The following CUBN variants were observed in gnomAD, a reference collection of about 807,000 sequenced individuals.
CUBN encodes 460 kDa receptor.
CUBN carries 282 observed loss-of-function variants against 405.3 expected under a neutral mutation model. That is an observed-to-expected ratio of 0.70 (90% CI 0.63 to 0.77). The LOEUF is 0.77. CUBN is among the 30% of genes least tolerant of loss of function. CUBN has a pLI of 0.00. For synonymous variants in CUBN, 1,684 were observed against 1,617.0 expected (o/e 1.04, Z -0.99); for missense variants, 4,514 against 4,475.2 (o/e 1.01, Z -0.25).
intron 6 of CUBN, among the ~76,000 whole-genome samples, 175 bp from the exon 7 acceptor site, chr10:17,115,772 C>CT (rs1478290034): frequency 6.6e-6 from 1 of 152,210 alleles, no homozygotes; most frequent in Non-Finnish European, 1.5e-5. Context: ...CTCTGCTGTG[C>CT]TCCAAGTGGT....
At chr10:16,849,198 C>T (rs1839605004) in intron 60 of CUBN, among the ~76,000 whole-genome samples, 1 of 152,086 alleles carries the variant, frequency 6.6e-6, no homozygotes, top group Non-Finnish European at 1.5e-5. Flanking sequence ...TATTGACCAC[C>T]CATGCTTTGT....
intron 10 of CUBN, 57 bp from the exon 11 acceptor site, chr10:17,105,632 A>G (rs1836611645): frequency 1.1e-6 from 1 of 950,354 alleles, no homozygotes; most frequent in East Asian, 2.5e-5. Flanking sequence ...GTTCGGATGC[A>G]GTATCTAAAC....
At chr10:16,856,326 C>T (rs1224635769) in intron 59 of CUBN, among the ~76,000 whole-genome samples, 1 of 152,078 alleles carries the variant, frequency 6.6e-6, no homozygotes, top group East Asian at 1.9e-4. Flanking sequence ...CAAGAACAAA[C>T]GTCACTCTTT....
intron 58 of CUBN, among the ~76,000 whole-genome samples, chr10:16,870,141 T>A (rs1840308229): frequency 6.6e-6 from 1 of 152,180 alleles, no homozygotes; most frequent in East Asian, 1.9e-4. Context: ...CTAGGGCATA[T>A]TAAAGTCCAT....
At chr10:16,917,241 G>C (rs1209634566) in intron 45 of CUBN, among the ~76,000 whole-genome samples, 1 of 151,962 alleles carries the variant, frequency 6.6e-6, no homozygotes, top group Non-Finnish European at 1.5e-5. Context: ...TTCTTAAATG[G>C]TTTTATTACT....
chr10:16,910,945 C>T (rs1423685884), intron 48 of CUBN, among the ~76,000 whole-genome samples: 2 of 151,992 alleles, frequency 1.3e-5, no homozygotes, highest in Admixed American at 6.6e-5. Context: ...AAGAAAGGGA[C>T]GTGCATAGCA....
chr10:17,077,308 A>G (rs928329437), intron 17 of CUBN, among the ~76,000 whole-genome samples: 3 of 152,162 alleles, frequency 2.0e-5, no homozygotes, highest in African/African-American at 7.2e-5. Flanking sequence ...TACTCATAAA[A>G]AAAAACGAGT....
chr10:17,125,912 A>G (rs1837172138), intron 4 of CUBN, among the ~76,000 whole-genome samples: 1 of 152,180 alleles, frequency 6.6e-6, no homozygotes, highest in Admixed American at 6.5e-5. Context: ...AAGTGGAGAA[A>G]AGGAATACAC....
At chr10:16,969,582 A>T (rs148173898) in intron 31 of CUBN, among the ~76,000 whole-genome samples, 2,599 of 152,242 alleles carry the variant, frequency 0.017, 86 homozygotes, top group African/African-American at 0.06. Context: ...CTCAATCTCT[A>T]GACCTCATGA....
In CUBN at chr10:16,869,703, G is replaced by C; in HGVS notation, c.9387C>G (p.Leu3129=). ...PNVKSSNNSM[L]LVFKTDSFQT... ...GAAATGAATCTGTCTTGAACACCAGGAGCATACTATTATTGCTGCTCTTCA... is the reference window on the plus strand; with the variant it reads ...GAAATGAATCTGTCTTGAACACCAGCAGCATACTATTATTGCTGCTCTTCA... The change falls in exon 59 of 67, where the codon CTC becomes CTG. Residue 3129 remains leucine, a synonymous_variant. Coordinates refer to ENST00000377833, the MANE Select transcript of CUBN (RefSeq NM_001081.4). 6.2e-7 allele frequency: 1 copy of C among 1,614,052 alleles called. No homozygotes were observed. The highest frequency in any genetic ancestry group is 2.2e-5 in the East Asian group (1 of 44,874).
chr10:16,945,728 T>A (rs904639840), intron 36 of CUBN, among the ~76,000 whole-genome samples: 1 of 144,326 alleles, frequency 6.9e-6, no homozygotes, highest in African/African-American at 2.7e-5. Flanking sequence ...GGTCACTCCA[T>A]TGCACTCCAG....
intron 28 of CUBN, among the ~76,000 whole-genome samples, chr10:16,995,959 C>A (rs1376747237): frequency 6.6e-6 from 1 of 152,150 alleles, no homozygotes; most frequent in Non-Finnish European, 1.5e-5. Context: ...GTGGAACATG[C>A]TCATATCACT....
intron 48 of CUBN, 65 bp from the exon 49 acceptor site, chr10:16,907,744 G>T (rs1445186213): frequency 1.3e-6 from 2 of 1,551,168 alleles, no homozygotes; most frequent in African/African-American, 1.4e-5. Context: ...CCTAGGAGGT[G>T]ATATTTCCAG....
At chr10:17,070,449 T>C (rs1167637255) in intron 19 of CUBN, among the ~76,000 whole-genome samples, 2 of 152,178 alleles carry the variant, frequency 1.3e-5, no homozygotes, top group Admixed American at 6.5e-5. Context: ...TTTAGCTCAC[T>C]TTAGGGAGTA....
intron 64 of CUBN, among the ~76,000 whole-genome samples, chr10:16,834,763 G>A (rs1324793071): frequency 6.6e-6 from 1 of 152,042 alleles, no homozygotes; most frequent in Non-Finnish European, 1.5e-5. Flanking sequence ...TTTCCACATT[G>A]TGCTGTAATT....
chr10:16,947,350 A>T lies in CUBN; in HGVS notation c.5227T>A (p.Tyr1743Asn). The T allele has an allele frequency of 6.2e-7, 1 of 1,614,126 alleles. No homozygotes were observed. Among genetic ancestry groups the T allele is most frequent in the South Asian group, 1.1e-5 (1 of 91,086 alleles). The change falls in exon 36 of 67, where the codon TAC becomes AAC. Residue 1743 changes from tyrosine (Y) to asparagine (N), a missense_variant. Tyr to Asn is a moderately radical substitution (Grantham distance 143). Transcript: ENST00000377833. ...CTGTTGAAGATGCCTTCAGCCATGT[A>T]GAACGTTCCACCACAAGCTGGAAGA... ...ASVSACGGTFYMAEGIFNSPG... is the reference protein window; with the variant it reads ...ASVSACGGTFNMAEGIFNSPG...
chr10:16,829,356 A>C (rs1453122798), intron 65 of CUBN, among the ~76,000 whole-genome samples: 1 of 140,172 alleles, frequency 7.1e-6, no homozygotes, highest in East Asian at 1.9e-4. Flanking sequence ...AAAAAAAAAA[A>C]AACAAACTTG....
chr10:16,956,521 T>G (rs1048053883), intron 31 of CUBN, among the ~76,000 whole-genome samples: 1 of 151,984 alleles, frequency 6.6e-6, no homozygotes, highest in Non-Finnish European at 1.5e-5. Context: ...CTACAAAACC[T>G]CTTACTACAT....
intron 6 of CUBN, 115 bp from the exon 7 acceptor site, chr10:17,115,712 T>A (rs1267125889): frequency 1.5e-6 from 2 of 1,336,238 alleles, no homozygotes; most frequent in Non-Finnish European, 2.1e-6. Context: ...TAACTTGGAA[T>A]CGTCAGCCAG....
Sources: allele counts gnomAD v4.1 joint callset (sites outside exome capture counted in the v4.1 genomes callset), GRCh38; gene constraint gnomAD v4.1.1; transcripts MANE v1.5; gene names NCBI Gene and HGNC (gene_info 2026-07-23, HGNC 2026-07-21).